CNTNAP5: variants seen among roughly 807,000 people sequenced by gnomAD.
The protein encoded by CNTNAP5 is contactin associated protein family member 5, also known as contactin-associated protein-like 5.
A neutral mutation model predicts 150.2 loss-of-function variants in CNTNAP5; 72 were observed. That is an observed-to-expected ratio of 0.48 (90% CI 0.40 to 0.58). The LOEUF (loss-of-function observed/expected upper bound fraction) is 0.58, where lower values mean the gene tolerates loss of function less well. Ranked by LOEUF, CNTNAP5 falls within the 20% of genes least tolerant of loss-of-function variation. The pLI, the probability that CNTNAP5 is intolerant of heterozygous loss-of-function variation, is 0.00. For synonymous variants in CNTNAP5, 672 were observed against 619.8 expected (o/e 1.08, Z -1.25); for missense variants, 1,636 against 1,626.2 (o/e 1.01, Z -0.10).
At chr2:124,431,703 T>G (rs1390972206) in intron 4 of CNTNAP5, among the ~76,000 whole-genome samples, 1 of 146,872 alleles carries the variant, frequency 6.8e-6, no homozygotes, top group Non-Finnish European at 1.5e-5. Flanking sequence ...TAAATAAAAT[T>G]TAATAAATAA....
intron 6 of CNTNAP5, among the ~76,000 whole-genome samples, chr2:124,470,130 G>A (rs894481798): frequency 6.6e-6 from 1 of 152,124 alleles, no homozygotes; most frequent in South Asian, 2.1e-4. Context: ...TCTGCCTCTA[G>A]GTCTTTGAGG....
At chr2:124,808,833 T>C (rs1682139158) in intron 19 of CNTNAP5, among the ~76,000 whole-genome samples, 3 of 152,166 alleles carry the variant, frequency 2.0e-5, no homozygotes, top group Admixed American at 1.3e-4. Flanking sequence ...CTTTAGCATA[T>C]AGAAGTTGAA....
chr2:124,317,507 G>A (rs573986250), intron 3 of CNTNAP5, among the ~76,000 whole-genome samples: 1 of 152,132 alleles, frequency 6.6e-6, no homozygotes, highest in East Asian at 1.9e-4. Flanking sequence ...CAACCCAACA[G>A]TTAATGGAGC....
At chr2:124,702,840 T>C (rs1679551398) in intron 13 of CNTNAP5, among the ~76,000 whole-genome samples, 1 of 152,120 alleles carries the variant, frequency 6.6e-6, no homozygotes, top group Admixed American at 6.6e-5. Context: ...TATTTGCCCT[T>C]TTCTCTCATT....
chr2:124,161,987 A>C (rs1353441812), intron 1 of CNTNAP5, among the ~76,000 whole-genome samples: 1 of 152,188 alleles, frequency 6.6e-6, no homozygotes, highest in African/African-American at 2.4e-5. Context: ...GAAAATAATA[A>C]AAGGAAAAAA....
intron 6 of CNTNAP5, among the ~76,000 whole-genome samples, chr2:124,450,112 A>T (rs1447115248): frequency 1.3e-5 from 2 of 152,082 alleles, no homozygotes; most frequent in Non-Finnish European, 2.9e-5. Context: ...GCTTTCTGCC[A>T]TGCGTCCATA....
chr2:124,610,346 A>G (rs566714763), intron 12 of CNTNAP5, among the ~76,000 whole-genome samples: 113 of 152,292 alleles, frequency 7.4e-4, no homozygotes, highest in Admixed American at 3.6e-3. Flanking sequence ...GGTGAATACT[A>G]TAGTTTCTCT....
intron 1 of CNTNAP5, among the ~76,000 whole-genome samples, chr2:124,181,096 A>G (rs1685197587): frequency 6.6e-6 from 1 of 152,126 alleles, no homozygotes; most frequent in African/African-American, 2.4e-5. Flanking sequence ...CAAGAAAAGG[A>G]ACCAAGTTTC....
At chr2:124,208,598 G>T (rs1004474785) in intron 1 of CNTNAP5, among the ~76,000 whole-genome samples, 2 of 152,092 alleles carry the variant, frequency 1.3e-5, no homozygotes, top group Non-Finnish European at 2.9e-5. Flanking sequence ...AGAAAGCAGA[G>T]ACATCCATCA....
chr2:124,535,895 G>T (rs537753960), intron 10 of CNTNAP5, among the ~76,000 whole-genome samples: 1 of 152,292 alleles, frequency 6.6e-6, no homozygotes, highest in East Asian at 1.9e-4. Context: ...CTGAAAGTTG[G>T]CAAGCATTAT....
intron 11 of CNTNAP5, among the ~76,000 whole-genome samples, chr2:124,605,959 T>C (rs148030021): frequency 4.1e-4 from 62 of 152,244 alleles, no homozygotes; most frequent in African/African-American, 1.2e-3. Flanking sequence ...CTTTCATCTT[T>C]GTCCCCTCCC....
At chr2:124,240,413 C>T (rs193055102) in intron 2 of CNTNAP5, among the ~76,000 whole-genome samples, 333 of 152,202 alleles carry the variant, frequency 2.2e-3, no homozygotes, top group Middle Eastern at 3.4e-3. Context: ...CACTCACATT[C>T]TTATTGGAGA....
chr2:124,717,508 C>T (rs1679968867), intron 13 of CNTNAP5, among the ~76,000 whole-genome samples: 1 of 152,148 alleles, frequency 6.6e-6, no homozygotes, highest in African/African-American at 2.4e-5. Context: ...CAGTGTTCCC[C>T]CAAACCCTGG....
At chr2:124,033,270 G>T (rs1017521583) in intron 1 of CNTNAP5, among the ~76,000 whole-genome samples, 14 of 152,214 alleles carry the variant, frequency 9.2e-5, no homozygotes, top group Non-Finnish European at 1.5e-4. Context: ...AACACTGCTT[G>T]TGAGTTATAT....
intron 13 of CNTNAP5, among the ~76,000 whole-genome samples, chr2:124,737,253 T>C (rs1202982661): frequency 6.8e-6 from 1 of 147,530 alleles, no homozygotes; most frequent in Non-Finnish European, 1.5e-5. Flanking sequence ...ATCACAATAA[T>C]GCACTCCAGC....
intron 19 of CNTNAP5, among the ~76,000 whole-genome samples, chr2:124,814,908 A>G (rs956034409): frequency 6.6e-6 from 1 of 152,204 alleles, no homozygotes; most frequent in Non-Finnish European, 1.5e-5. Flanking sequence ...GAGAGGGGAA[A>G]AACGTGATCA....
intron 1 of CNTNAP5, among the ~76,000 whole-genome samples, chr2:124,164,474 A>G (rs550081556): frequency 4.2e-4 from 64 of 152,354 alleles, no homozygotes; most frequent in Non-Finnish European, 8.1e-4. Context: ...TTTTATATGT[A>G]TATATACTTT....
At chr2:124,655,999 A>G (rs141981123) in intron 13 of CNTNAP5, among the ~76,000 whole-genome samples, 5,192 of 89,082 alleles carry the variant, frequency 0.058, 167 homozygotes, top group Non-Finnish European at 0.084. Context: ...AAGAAAGAAA[A>G]AAGGAAGGAA....
intron 19 of CNTNAP5, among the ~76,000 whole-genome samples, chr2:124,832,628 T>C (rs974853022): frequency 4.6e-5 from 7 of 152,252 alleles, no homozygotes; most frequent in Non-Finnish European, 1.5e-5. Context: ...ACCTTTTTTT[T>C]CCTTCAATTC....
Sources: allele counts gnomAD v4.1 joint callset (sites outside exome capture counted in the v4.1 genomes callset), GRCh38; gene constraint gnomAD v4.1.1; transcripts MANE v1.5; gene names NCBI Gene and HGNC (gene_info 2026-07-23, HGNC 2026-07-21).